SLIT3: variants seen among roughly 807,000 people sequenced by gnomAD.
SLIT3 encodes the protein slit homolog 3 protein.
Under a neutral mutation model 184.0 loss-of-function variants are expected in SLIT3, and 68 were observed. The ratio of observed to expected loss-of-function variants is 0.37; its 90% CI spans 0.30 to 0.45. The LOEUF is 0.45. Among genes scored for constraint, SLIT3 ranks in the 20% least tolerant of loss-of-function variants. SLIT3 has a pLI of 1.00. For synonymous variants in SLIT3, 831 were observed against 828.6 expected (o/e 1.00, Z -0.05); for missense variants, 1,707 against 2,026.0 (o/e 0.84, Z 3.02).
chr5:168,685,885 C>G lies in SLIT3; in HGVS notation c.3357G>C (p.Gln1119His). The G allele has an allele frequency of 1.9e-6, 3 of 1,613,558 alleles. No individual in the cohort carries two copies. The highest frequency in any genetic ancestry group is 2.5e-6 in the Non-Finnish European group (3 of 1,179,870). The change falls in exon 31 of 36, where the codon CAG becomes CAC. Residue 1119 changes from glutamine (Q) to histidine (H), a missense_variant. By Grantham distance (24) the Gln-to-His change is conservative. Coordinates refer to ENST00000519560, the MANE Select transcript of SLIT3 (RefSeq NM_003062.4). Reference sequence around the variant, plus strand: ...ACTCGTACTGGTCGCATGGGCTGGTCTGCAGTAGGACCATGGGTGGGGGGT... The same window carrying G: ...ACTCGTACTGGTCGCATGGGCTGGTGTGCAGTAGGACCATGGGTGGGGGGT... Reference protein sequence around the residue: ...CEHPPPMVLLQTSPCDQYECQ... With the variant: ...CEHPPPMVLLHTSPCDQYECQ...
At chr5:168,930,215 C>T (rs958129756) in intron 4 of SLIT3, among the ~76,000 whole-genome samples, 1 of 152,144 alleles carries the variant, frequency 6.6e-6, no homozygotes, top group Non-Finnish European at 1.5e-5. Flanking sequence ...CTTTGACACC[C>T]CATGGCCCGC....
chr5:169,217,948 A>T (rs1581066864), intron 3 of SLIT3, among the ~76,000 whole-genome samples: 2 of 152,356 alleles, frequency 1.3e-5, no homozygotes, highest in South Asian at 4.1e-4. Flanking sequence ...GTGAGGTTGC[A>T]CAGAAAGCAA....
At chr5:169,286,324 T>C (rs2113653019) in intron 1 of SLIT3, among the ~76,000 whole-genome samples, 1 of 151,498 alleles carries the variant, frequency 6.6e-6, no homozygotes, top group Middle Eastern at 3.4e-3. Context: ...TAAACATCTT[T>C]TTTTTTCTTA....
rs559962906 is a variant in SLIT3 at position 168,836,800 on chromosome 5, A to T, written c.557+7784T>A. ...AAAACAATTCAATTATCTTCTCCACATCCTCTTAACCCAGGAATGTACACC... is the reference window on the plus strand; with the variant it reads ...AAAACAATTCAATTATCTTCTCCACTTCCTCTTAACCCAGGAATGTACACC... On this transcript the variant is annotated intron_variant, in intron 6 of 35. Transcript: ENST00000519560. 3.9e-5 allele frequency among the ~76,000 whole-genome samples: 6 copies of T among 152,286 alleles called. No individual in the cohort carries two copies. The South Asian group carries it at 1.2e-3, about 32-fold the overall frequency.
intron 5 of SLIT3, among the ~76,000 whole-genome samples, chr5:168,875,353 C>T (rs1024455774): frequency 2.0e-5 from 3 of 151,794 alleles, no homozygotes; most frequent in Non-Finnish European, 4.4e-5. Context: ...GGAAGGTGGC[C>T]GGGCATGGTG....
chr5:168,928,490 G>A (rs1761897414), intron 4 of SLIT3, among the ~76,000 whole-genome samples: 1 of 152,130 alleles, frequency 6.6e-6, no homozygotes, highest in South Asian at 2.1e-4. Flanking sequence ...CTGGGGCCAA[G>A]TCCCAGGTCA....
intron 15 of SLIT3, 116 bp downstream of exon 15, chr5:168,762,423 C>G (rs1188780324): frequency 1.8e-6 from 2 of 1,114,946 alleles, no homozygotes; most frequent in Non-Finnish European, 2.6e-6. Flanking sequence ...AGACAGCCAA[C>G]AAACACCACA....
At chr5:169,077,240 A>G (rs573058012) in intron 4 of SLIT3, among the ~76,000 whole-genome samples, 1 of 152,240 alleles carries the variant, frequency 6.6e-6, no homozygotes, top group Non-Finnish European at 1.5e-5. Flanking sequence ...AGTTTATTGT[A>G]AGAATACAGT....
chr5:169,044,596 G>A (rs60855986), intron 4 of SLIT3, among the ~76,000 whole-genome samples: 1 of 148,784 alleles, frequency 6.7e-6, no homozygotes, highest in South Asian at 2.2e-4. Flanking sequence ...GTGGGGGGGG[G>A]GATGGGGAGA....
At chr5:169,086,725 G>A (rs1030850889) in intron 4 of SLIT3, among the ~76,000 whole-genome samples, 1 of 152,204 alleles carries the variant, frequency 6.6e-6, no homozygotes, top group Non-Finnish European at 1.5e-5. Flanking sequence ...TGGGTCAAGA[G>A]TCTTAAGAAT....
chr5:169,231,397 G>C (rs894840445), intron 3 of SLIT3, among the ~76,000 whole-genome samples: 2 of 152,022 alleles, frequency 1.3e-5, no homozygotes, highest in African/African-American at 2.4e-5. Context: ...CACCACCTCG[G>C]CTTTTAACAC....
intron 4 of SLIT3, among the ~76,000 whole-genome samples, chr5:168,919,645 A>T (rs1560665): frequency 0.59 from 89,038 of 149,982 alleles, 27,235 homozygotes; most frequent in African/African-American, 0.77. Flanking sequence ...TAATTTTTTT[A>T]AAAAAAAAAC....
chr5:168,922,443 C>T (rs561874642), intron 4 of SLIT3, among the ~76,000 whole-genome samples: 19 of 117,064 alleles, frequency 1.6e-4, no homozygotes, highest in Admixed American at 1.1e-3. Flanking sequence ...GGCAACAGAG[C>T]GAGACTCTGT....
At chr5:169,231,106 G>A (rs981938060) in intron 3 of SLIT3, among the ~76,000 whole-genome samples, 1 of 152,084 alleles carries the variant, frequency 6.6e-6, no homozygotes, top group Non-Finnish European at 1.5e-5. Flanking sequence ...TGTCTCTGTG[G>A]AGTTTGCAAT....
chr5:169,053,018 C>T lies in SLIT3; in HGVS notation c.413+140461G>A, dbSNP rs1396099564. ...ATCAAAGAGGTTGAGCTATCGGCAC[C>T]GGATGAACCACATCAGAACAAGACC... On this transcript the variant is annotated intron_variant, in intron 4 of 35. Transcript: ENST00000519560. 2.6e-5 allele frequency among the ~76,000 whole-genome samples: 4 copies of T among 152,206 alleles called. No homozygotes were observed. In the East Asian group the frequency reaches 5.8e-4, roughly 22 times the overall value.
intron 4 of SLIT3, among the ~76,000 whole-genome samples, chr5:168,962,683 C>A (rs557781100): frequency 6.6e-6 from 1 of 152,214 alleles, no homozygotes; most frequent in African/African-American, 2.4e-5. Context: ...GCTCTTATGA[C>A]CAGACTCTGG....
intron 4 of SLIT3, among the ~76,000 whole-genome samples, chr5:169,157,590 T>C (rs899292151): frequency 6.6e-6 from 1 of 152,114 alleles, no homozygotes; most frequent in East Asian, 1.9e-4. Flanking sequence ...AAAAGCCAGC[T>C]AAAACAGAAG....
At chr5:168,981,393 G>A (rs1754942784) in intron 4 of SLIT3, among the ~76,000 whole-genome samples, 1 of 152,188 alleles carries the variant, frequency 6.6e-6, no homozygotes, top group Admixed American at 6.5e-5. Context: ...GGATTGCAAT[G>A]AGGCTTGGGG....
rs754363192 is a variant in SLIT3 at position 168,762,661 on chromosome 5, G to A, written c.1488C>T (p.Ser496=). The A allele has an allele frequency of 6.8e-6, 11 of 1,613,926 alleles. No individual in the cohort carries two copies. Residue 496 remains serine, a synonymous_variant, in exon 15 of 36, where the codon AGC becomes AGT. Transcript: ENST00000519560. ...ACACGAGGTCCATGAAGCACTCGCTGCTGAACCTGCTGCGGTAATCCTCGG... is the reference window on the plus strand; with the variant it reads ...ACACGAGGTCCATGAAGCACTCGCTACTGAACCTGCTGCGGTAATCCTCGG... The part of the protein sequence containing the change: ...SGSEDYRSRF[S]SECFMDLVCP...
Sources: allele counts gnomAD v4.1 joint callset (sites outside exome capture counted in the v4.1 genomes callset), GRCh38; gene constraint gnomAD v4.1.1; transcripts MANE v1.5; gene names NCBI Gene and HGNC (gene_info 2026-07-23, HGNC 2026-07-21).